Variants in NBEA observed in about 807,000 individuals in gnomAD.
NBEA encodes lysosomal-trafficking regulator 2.
Under a neutral mutation model 343.4 loss-of-function variants are expected in NBEA, and 44 were observed. The observed-to-expected ratio is 0.13, with a 90% CI of 0.10 to 0.16. The LOEUF (loss-of-function observed/expected upper bound fraction) is 0.16, where lower values mean the gene tolerates loss of function less well. Among genes scored for constraint, NBEA ranks in the 10% least tolerant of loss-of-function variants. NBEA has a pLI of 1.00. For synonymous variants in NBEA, 1,175 were observed against 1,238.7 expected, an observed-to-expected ratio of 0.95 and a Z score of 1.08; for missense variants, 2,555 against 3,631.3, an observed-to-expected ratio of 0.70 and a Z score of 7.62.
chr13:35,072,027 T>A (rs2152575063), intron 10 of NBEA, among the ~76,000 whole-genome samples: 1 of 152,230 alleles, frequency 6.6e-6, no homozygotes, highest in Middle Eastern at 3.4e-3. Context: ...CTATTTTGCT[T>A]GTGAGATCTT....
At chr13:35,103,249 A>G (rs900834370) in intron 11 of NBEA, among the ~76,000 whole-genome samples, 2 of 151,678 alleles carry the variant, frequency 1.3e-5, no homozygotes, top group African/African-American at 4.8e-5. Context: ...CCTGGTTTTC[A>G]TTCTTACATG....
At chr13:35,412,114 C>A (rs899419004) in intron 38 of NBEA, among the ~76,000 whole-genome samples, 6 of 152,094 alleles carry the variant, frequency 3.9e-5, no homozygotes, top group African/African-American at 1.4e-4. Flanking sequence ...GAAATCCATG[C>A]ATAATGTTTT....
chr13:35,556,931 G>A (rs960267286), intron 44 of NBEA, among the ~76,000 whole-genome samples: 5 of 151,934 alleles, frequency 3.3e-5, no homozygotes, highest in African/African-American at 1.2e-4. Flanking sequence ...TTCTCTGTAC[G>A]TTCTTGTGTA....
chr13:35,281,491 C>T (rs1049921867), intron 34 of NBEA, among the ~76,000 whole-genome samples: 6 of 152,084 alleles, frequency 3.9e-5, no homozygotes, highest in African/African-American at 1.4e-4. Flanking sequence ...TGAGGTTCGC[C>T]TGACTGACCT....
intron 1 of NBEA, among the ~76,000 whole-genome samples, chr13:35,018,617 TATTAA>T (rs2061732725): frequency 6.6e-6 from 1 of 152,182 alleles, no homozygotes; most frequent in Non-Finnish European, 1.5e-5. Context: ...TAAAATTCTT[TATTAA>T]ATTAGAACTT....
chr13:35,403,409 A>G (rs137940102), intron 38 of NBEA, among the ~76,000 whole-genome samples: 4 of 152,170 alleles, frequency 2.6e-5, no homozygotes, highest in Non-Finnish European at 4.4e-5. Flanking sequence ...CATTAAATTA[A>G]CAGTTGAGAT....
At chr13:35,385,877 T>C (rs2042220341) in intron 38 of NBEA, among the ~76,000 whole-genome samples, 1 of 152,160 alleles carries the variant, frequency 6.6e-6, no homozygotes, top group African/African-American at 2.4e-5. Context: ...AAGGTGGAGC[T>C]TAATAAATAA....
intron 10 of NBEA, among the ~76,000 whole-genome samples, chr13:35,086,869 G>A (rs2064796600): frequency 6.6e-6 from 1 of 151,904 alleles, no homozygotes; most frequent in South Asian, 2.1e-4. Flanking sequence ...CCTCATTGTG[G>A]TTTAGATTTG....
intron 4 of NBEA, among the ~76,000 whole-genome samples, chr13:35,048,179 C>A (rs1461453873): frequency 6.6e-6 from 1 of 151,882 alleles, no homozygotes; most frequent in African/African-American, 2.4e-5. Flanking sequence ...AATATTCAAT[C>A]TCCTTTAACC....
chr13:34,991,761 C>T (rs1445883714), intron 1 of NBEA, among the ~76,000 whole-genome samples: 2 of 152,110 alleles, frequency 1.3e-5, no homozygotes, highest in African/African-American at 4.8e-5. Context: ...ACTTTTTGTT[C>T]CTTCCAGAAT....
At chr13:35,062,124 CTAGTG>C (rs1179705166) in intron 8 of NBEA, among the ~76,000 whole-genome samples, 9 of 151,564 alleles carry the variant, frequency 5.9e-5, no homozygotes, top group African/African-American at 1.9e-4. Context: ...TCTATTATAA[CTAGTG>C]AGGTAGAGAA....
chr13:35,649,107 A>C (rs2084388472), intron 51 of NBEA, among the ~76,000 whole-genome samples: 1 of 152,182 alleles, frequency 6.6e-6, no homozygotes, highest in African/African-American at 2.4e-5. Flanking sequence ...CTTCAACCAT[A>C]AACAGTCAGT....
At chr13:35,230,882 C>T (rs1158789920) in intron 33 of NBEA, among the ~76,000 whole-genome samples, 1 of 151,958 alleles carries the variant, frequency 6.6e-6, no homozygotes, top group African/African-American at 2.4e-5. Context: ...ACACACAGAC[C>T]TGCTGAATCA....
At chr13:35,473,623 T>C (rs932611533) in intron 41 of NBEA, among the ~76,000 whole-genome samples, 1 of 152,186 alleles carries the variant, frequency 6.6e-6, no homozygotes, top group Non-Finnish European at 1.5e-5. Flanking sequence ...AATGTAGTTT[T>C]TAAAATGAGC....
intron 49 of NBEA, among the ~76,000 whole-genome samples, chr13:35,639,592 T>C (rs1008617644): frequency 6.6e-6 from 1 of 152,198 alleles, no homozygotes; most frequent in Non-Finnish European, 1.5e-5. Context: ...CTTTTAAGTA[T>C]TAAAAGCCTT....
At chr13:35,086,898 T>C (rs539403250) in intron 10 of NBEA, among the ~76,000 whole-genome samples, 4 of 152,030 alleles carry the variant, frequency 2.6e-5, no homozygotes, top group Non-Finnish European at 4.4e-5. Flanking sequence ...TTATGCTTAG[T>C]CATGTTGAAT....
chr13:34,965,873 T>C (rs986053849), intron 1 of NBEA, among the ~76,000 whole-genome samples: 3 of 152,084 alleles, frequency 2.0e-5, no homozygotes, highest in African/African-American at 7.2e-5. Context: ...TGTTGTTGTT[T>C]GTTTGTACCG....
At chr13:35,246,967 G>T (rs1270762904) in intron 34 of NBEA, among the ~76,000 whole-genome samples, 1 of 152,100 alleles carries the variant, frequency 6.6e-6, no homozygotes, top group Non-Finnish European at 1.5e-5. Flanking sequence ...GGCTTGCTAT[G>T]GCTGCAATGG....
At chr13:35,209,940 A>G (rs910018404) in intron 32 of NBEA, among the ~76,000 whole-genome samples, 1 of 152,106 alleles carries the variant, frequency 6.6e-6, no homozygotes. Flanking sequence ...GGCTTGTCTG[A>G]AGACTTTAAA....
Sources: gnomAD v4.1 joint callset for allele counts (sites outside exome capture counted in the v4.1 genomes callset) on GRCh38, gnomAD v4.1.1 for gene constraint, MANE v1.5 for transcripts, NCBI Gene and HGNC (gene_info 2026-07-23, HGNC 2026-07-21) for gene names.